Variants in FNDC1 observed in about 807,000 individuals in gnomAD.
The protein encoded by FNDC1 is fibronectin type III domain-containing protein 1.
FNDC1 carries 96 observed loss-of-function variants against 168.0 expected under a neutral mutation model. The ratio of observed to expected loss-of-function variants is 0.57; its 90% CI spans 0.48 to 0.68. FNDC1 has a LOEUF of 0.68. Among genes scored for constraint, FNDC1 ranks in the 30% least tolerant of loss-of-function variants. The pLI is 0.00. For synonymous variants in FNDC1, 1,099 were observed against 1,025.9 expected (o/e 1.07, Z -1.36); for missense variants, 2,587 against 2,482.1 (o/e 1.04, Z -0.90).
intron 17 of FNDC1, 110 bp from the exon 18 acceptor site, chr6:159,256,413 A>C: frequency 1.3e-6 from 1 of 766,646 alleles, no homozygotes; most frequent in Non-Finnish European, 2.3e-6. Flanking sequence ...TGTAGTTCCC[A>C]CATGGAGCTG....
chr6:159,179,714 A>G (rs144073510), intron 1 of FNDC1, among the ~76,000 whole-genome samples: 97 of 152,326 alleles, frequency 6.4e-4, no homozygotes, highest in African/African-American at 2.1e-3. Context: ...CCACGAGGGC[A>G]GGACATTGTG....
At chr6:159,269,293 C>CTATCTATCTATCTATCTATCT (rs1264747492) in intron 22 of FNDC1, among the ~76,000 whole-genome samples, 2 of 32,268 alleles carry the variant, frequency 6.2e-5, no homozygotes, top group East Asian at 6.2e-4. Context: ...TCTATCTATC[C>CTATCTATCTATCTATCTATCT]ATCCATCCAT....
chr6:159,231,616 A>G (rs1196841134), intron 10 of FNDC1, among the ~76,000 whole-genome samples: 3 of 152,262 alleles, frequency 2.0e-5, no homozygotes, highest in African/African-American at 7.2e-5. Context: ...TCTTCAAATA[A>G]TAAGATGTGG....
At chr6:159,223,695 T>C (rs777639540) in intron 7 of FNDC1, 50 bp downstream of exon 7, 3 of 1,146,440 alleles carry the variant, frequency 2.6e-6, no homozygotes, top group Admixed American at 4.0e-5. Flanking sequence ...GGGGTTTTTC[T>C]GGCCCTGAAA....
chr6:159,214,898 C>T, intron 4 of FNDC1, 47 bp from the exon 5 acceptor site: 1 of 1,557,214 alleles, frequency 6.4e-7, no homozygotes, highest in Non-Finnish European at 8.8e-7. Flanking sequence ...ATGGCAAACT[C>T]TAAGTGGTCT....
At chr6:159,251,938 G>A (rs539557110) in intron 17 of FNDC1, among the ~76,000 whole-genome samples, 3 of 152,300 alleles carry the variant, frequency 2.0e-5, no homozygotes, top group African/African-American at 7.2e-5. Flanking sequence ...GTGACCATAA[G>A]CTCCCGCTGG....
intron 1 of FNDC1, among the ~76,000 whole-genome samples, chr6:159,181,253 G>T (rs1275694589): frequency 6.6e-6 from 1 of 152,112 alleles, no homozygotes; most frequent in Non-Finnish European, 1.5e-5. Context: ...TTTTCAGTAG[G>T]CAAAAGAGTT....
At chr6:159,268,149 A>T (rs1777630047) in intron 22 of FNDC1, among the ~76,000 whole-genome samples, 1 of 152,230 alleles carries the variant, frequency 6.6e-6, no homozygotes, top group African/African-American at 2.4e-5. Context: ...GCATGAACAA[A>T]GGTACAGAGA....
chr6:159,263,491 G>T (rs976385144), intron 19 of FNDC1, among the ~76,000 whole-genome samples: 1 of 152,092 alleles, frequency 6.6e-6, no homozygotes, highest in African/African-American at 2.4e-5. Context: ...GGCTGGCCAC[G>T]GTGGCTCACT....
At chr6:159,216,662 G>A (rs1476693544) in intron 5 of FNDC1, among the ~76,000 whole-genome samples, 1 of 152,218 alleles carries the variant, frequency 6.6e-6, no homozygotes, top group African/African-American at 2.4e-5. Flanking sequence ...CCCTCGTGGG[G>A]AAACCGGGCC....
chr6:159,239,419 G>T, intron 13 of FNDC1, 98 bp from the exon 14 acceptor site: 1 of 1,072,902 alleles, frequency 9.3e-7, no homozygotes, highest in South Asian at 1.7e-5. Context: ...ATTAAAACAT[G>T]ATAATACATA....
intron 17 of FNDC1, among the ~76,000 whole-genome samples, chr6:159,255,237 C>T (rs1020263048): frequency 7.9e-5 from 12 of 152,248 alleles, no homozygotes; most frequent in Non-Finnish European, 1.6e-4. Context: ...ATTCCTGCCA[C>T]TTATGGTTTC....
chr6:159,267,209 G>A (rs1423996211), intron 21 of FNDC1, among the ~76,000 whole-genome samples: 1 of 151,542 alleles, frequency 6.6e-6, no homozygotes, highest in African/African-American at 2.4e-5. Context: ...CAACAAGTAC[G>A]GTCTGTCTCT....
At chr6:159,240,021 A>G (rs1783384160) in intron 14 of FNDC1, 64 bp downstream of exon 14, 2 of 1,405,444 alleles carry the variant, frequency 1.4e-6, no homozygotes, top group Non-Finnish European at 1.9e-6. Context: ...AACTCAGAGC[A>G]GGGTGGCAGA....
intron 14 of FNDC1, 95 bp downstream of exon 14, chr6:159,240,052 C>A: frequency 1.7e-6 from 2 of 1,190,922 alleles, no homozygotes; most frequent in African/African-American, 1.5e-5. Context: ...GAGGTATGAG[C>A]ACCGTGCACA....
chr6:159,218,326 C>T (rs1420733358), intron 5 of FNDC1: 1 of 152,176 alleles, frequency 6.6e-6, no homozygotes, highest in Non-Finnish European at 1.5e-5. Context: ...ACCGGACAGC[C>T]TCTTGGGCTT....
intron 22 of FNDC1, among the ~76,000 whole-genome samples, chr6:159,268,604 C>A (rs1372766992): frequency 1.3e-5 from 2 of 152,090 alleles, no homozygotes; most frequent in East Asian, 3.9e-4. Context: ...TCTCTATCAT[C>A]TATCTATATC....
intron 5 of FNDC1, among the ~76,000 whole-genome samples, chr6:159,217,695 G>A (rs1172619966): frequency 6.6e-6 from 1 of 152,158 alleles, no homozygotes; most frequent in African/African-American, 2.4e-5. Context: ...GTCTCCACAT[G>A]GTGGCGTAGG....
intron 21 of FNDC1, among the ~76,000 whole-genome samples, chr6:159,267,170 C>A (rs982615429): frequency 5.3e-5 from 8 of 152,084 alleles, no homozygotes; most frequent in Middle Eastern, 3.2e-3. Context: ...CGACCCCAAC[C>A]CTAGCAATTT....
Sources: gnomAD v4.1 joint callset for allele counts (sites outside exome capture counted in the v4.1 genomes callset) on GRCh38, gnomAD v4.1.1 for gene constraint, MANE v1.5 for transcripts, NCBI Gene and HGNC (gene_info 2026-07-23, HGNC 2026-07-21) for gene names.